The following EP300 variants were observed in gnomAD, a reference collection of about 807,000 sequenced individuals.
EP300 encodes the protein histone acetyltransferase p300.
In EP300, 31 loss-of-function variants were observed where a neutral mutation model predicts 264.0. That is an observed-to-expected ratio of 0.12 (90% CI 0.09 to 0.16). The LOEUF is 0.16. Among genes scored for constraint, EP300 ranks in the 10% least tolerant of loss-of-function variants. EP300 has a pLI of 1.00. For missense variants in EP300, 2,766 were observed against 3,052.9 expected (o/e 0.91, Z 2.21); for synonymous variants, 1,340 against 1,045.4 (o/e 1.28, Z -5.44).
chr22:41,127,304 T>C lies in EP300; in HGVS notation c.907-183T>C, dbSNP rs548763679. ...TATCACTTCGTAATGTCATTTTTTT[T>C]CTTATTAAATTGAGCTTCTTAAAGG... On this transcript the variant is annotated intron_variant, in intron 3 of 30. Transcript: ENST00000263253. 1.6e-4 allele frequency among the ~76,000 whole-genome samples: 25 copies of C among 152,300 alleles called. No individual in the cohort carries two copies. In the East Asian group the frequency reaches 2.7e-3, roughly 16 times the overall value.
At position 41,117,548 on chromosome 22, in the gene EP300, T is replaced by G. The variant is rs1242624089; in HGVS notation, c.456T>G (p.Gly152=). ...GPNQGPTQST[G]MMNSPVNQPA... ...ATCAGGGTCCTACGCAGTCAACAGGTATGATGAACAGTCCAGTAAATCAGC... is the reference window on the plus strand; with the variant it reads ...ATCAGGGTCCTACGCAGTCAACAGGGATGATGAACAGTCCAGTAAATCAGC... The change falls in exon 2 of 31, where the codon GGT becomes GGG. Residue 152 remains glycine (G), a synonymous_variant. Coordinates refer to ENST00000263253, the MANE Select transcript of EP300 (RefSeq NM_001429.4). 3 of 1,614,026 alleles carry G rather than the reference T, an allele frequency of 1.9e-6. No homozygotes were observed. The African/African-American group carries it at 4.0e-5, about 22-fold the overall frequency.
Position 41,152,944 on chromosome 22 carries a change from G to C in EP300, c.3142+594G>C, listed in dbSNP as rs148786595. On this transcript the variant is annotated intron_variant, in intron 16 of 30. Transcript: ENST00000263253. The stretch of plus-strand genomic sequence containing the variant: ...GTCTAATTTTTGTATTTTTAGTAGA[G>C]ACAGGATTTCACCGTGTTGGCCAGG... Among the ~76,000 whole-genome samples, 9 of 152,156 alleles carry C rather than the reference G, an allele frequency of 5.9e-5. No homozygotes were observed. The East Asian group carries it at 1.7e-3, about 29-fold the overall frequency.
chr22:41,097,877 G>T (rs934153611), intron 1 of EP300, among the ~76,000 whole-genome samples: 2 of 151,470 alleles, frequency 1.3e-5, no homozygotes, highest in Non-Finnish European at 2.9e-5. Flanking sequence ...TGTATTTTTA[G>T]TAGAGACGGG....
In EP300 at chr22:41,140,093, A is replaced by G. The variant is rs755619541; in HGVS notation, c.1761-47A>G. 6 of 1,365,740 alleles carry G rather than the reference A, an allele frequency of 4.4e-6. No homozygotes were observed. The African/African-American group carries it at 5.7e-5, about 13-fold the overall frequency. 84.6% of individuals were successfully genotyped at this position (1,365,740 alleles called of 1,614,324 possible). On this transcript the variant is annotated intron_variant, in intron 8 of 30. Coordinates refer to ENST00000263253, the MANE Select transcript of EP300 (RefSeq NM_001429.4). ...GTGTATAAAAATCAGAAAAATACTAATTAAATGCTGACATGATATTACAGT... is the reference window on the plus strand; with the variant it reads ...GTGTATAAAAATCAGAAAAATACTAGTTAAATGCTGACATGATATTACAGT...
rs1014165112 is a variant in EP300, at chr22:41,177,361, C to T, written c.5650C>T (p.Pro1884Ser). The T allele has an allele frequency of 8.7e-6, 14 of 1,614,058 alleles. No homozygotes were observed. Among genetic ancestry groups the T allele is most frequent in the Non-Finnish European group, 1.2e-5 (14 of 1,180,012 alleles). Residue 1884 changes from proline (P) to serine (S), a missense_variant, in exon 31 of 31, where the codon CCA becomes TCA. Transcript: ENST00000263253. ...TCAGCCTACCCCTCCCAATAGCATG[C>T]CACCCTACTTGCCCAGGACTCAAGC... ...QPQPTPPNSM[P>S]PYLPRTQAAG...
In EP300 at chr22:41,117,723, G is replaced by C. The variant is rs142030651; in HGVS notation, c.631G>C (p.Gly211Arg). Residue 211 changes from glycine to arginine, a missense_variant, in exon 2 of 31, where the codon GGC (glycine) becomes CGC (arginine). Coordinates refer to ENST00000263253, the MANE Select transcript of EP300 (RefSeq NM_001429.4). ...ACAGAATATGCAGTACCCAAACCCA[G>C]GCATGGGAAGTGCTGGCAACTTACT... ...GRQNMQYPNP[G>R]MGSAGNLLTE... 6.2e-7 allele frequency: 1 copy of C among 1,614,214 alleles called. No homozygotes were observed. The highest frequency in any genetic ancestry group is 8.5e-7 in the Non-Finnish European group (1 of 1,180,042).
At chr22:41,105,168 G>A (rs1036018057) in intron 1 of EP300, among the ~76,000 whole-genome samples, 1 of 113,202 alleles carries the variant, frequency 8.8e-6, no homozygotes, top group Non-Finnish European at 1.7e-5. Context: ...CTGCACTCCA[G>A]CCTAGGTGAC....
intron 2 of EP300, among the ~76,000 whole-genome samples, chr22:41,125,492 C>T (rs1386597441): frequency 6.6e-6 from 1 of 151,930 alleles, no homozygotes; most frequent in African/African-American, 2.4e-5. Flanking sequence ...TGTCAAACTC[C>T]TGACCTCAAG....
intron 1 of EP300, among the ~76,000 whole-genome samples, chr22:41,093,703 T>C (rs1176725340): frequency 2.0e-5 from 3 of 152,240 alleles, no homozygotes; most frequent in South Asian, 4.1e-4. Flanking sequence ...AGAATCAATA[T>C]GGAGCGCAGT....
At position 41,178,832 on chromosome 22, in the gene EP300, C is replaced by T. The variant is rs2145524137; in HGVS notation, c.7121C>T (p.Ser2374Phe). The T allele has an allele frequency of 6.8e-6, 11 of 1,614,220 alleles. No homozygotes were observed. The highest frequency in any genetic ancestry group is 7.6e-6 in the Non-Finnish European group (9 of 1,180,044). The change falls in exon 31 of 31, where the codon TCT (serine) becomes TTT (phenylalanine). Residue 2374 changes from serine (S) to phenylalanine (F), a missense_variant. Transcript: ENST00000263253. ...FASPDQNSML[S>F]QLASNPGMAN... ...AGCCCGGACCAGAATTCAATGCTTT[C>T]TCAGCTTGCTAGCAATCCAGGCATG...
At chr22:41,108,048 G>A (rs1447414845) in intron 1 of EP300, 4 of 152,022 alleles carry the variant, frequency 2.6e-5, no homozygotes, top group Non-Finnish European at 1.5e-5. Context: ...TCTGTTGCAA[G>A]GAGCAAACCA....
Position 41,179,533 on chromosome 22 carries a change from TA to T in EP300, c.*592del, listed in dbSNP as rs60283061. On this transcript the variant is annotated 3_prime_UTR_variant, in exon 31 of 31. Transcript: ENST00000263253. ...GATGTTCATTCTTTTAAAAAATGTTTAAAAAAAAAAAAAAACTGCCTTTCTT... is the reference window on the plus strand; with the variant it reads ...GATGTTCATTCTTTTAAAAAATGTTTAAAAAAAAAAAAAACTGCCTTTCTT... 0.024 allele frequency: 3,909 copies of T among 164,916 alleles called. 88 individuals are homozygous for T. The highest frequency in any genetic ancestry group is 0.069 in the African/African-American group (2,667 of 38,470). The allele number at this position is 164,916 out of a possible 1,614,324, so 10.2% of individuals were successfully genotyped here.
In EP300 at chr22:41,126,729, C is replaced by CTTTTTTTTTT. The variant is rs71328775; in HGVS notation, c.906+712_906+721dup. 2.2e-3 allele frequency among the ~76,000 whole-genome samples: 106 copies of CTTTTTTTTTT among 48,830 alleles called. 23 individuals are homozygous for CTTTTTTTTTT. Among genetic ancestry groups the CTTTTTTTTTT allele is most frequent in the South Asian group, 3.7e-3 (3 of 808 alleles). 32.0% of individuals were successfully genotyped at this position (48,830 alleles called of 152,430 possible). A position where few individuals can be genotyped will look rare whatever the true frequency, so the allele number is the denominator to read the frequency against. ...TCATCTCTGTCCCGAGAAATGTTCA[C>CTTTTTTTTTT]TTTTTTTTTTTTTTTTTTTTTTTTT... On this transcript the variant is annotated intron_variant, in intron 3 of 30. Coordinates refer to ENST00000263253, the MANE Select transcript of EP300 (RefSeq NM_001429.4).
intron 1 of EP300, among the ~76,000 whole-genome samples, chr22:41,094,220 C>G (rs151141740): frequency 1.3e-5 from 2 of 152,116 alleles, no homozygotes; most frequent in Admixed American, 1.3e-4. Flanking sequence ...AAGATGTTCC[C>G]CTTTACTACG....
In EP300 at chr22:41,157,309, A is replaced by G. The variant is rs2059082812; in HGVS notation, c.3402A>G (p.Lys1134=). 3 of 1,614,144 alleles carry G rather than the reference A, an allele frequency of 1.9e-6. No homozygotes were observed. The highest frequency in any genetic ancestry group is 1.6e-4 in the Middle Eastern group (1 of 6,062). ...ATAATGCCTGGTTATATAACCGGAA[A>G]ACATCACGGGTATACAAATACTGCT... ...MFNNAWLYNR[K]TSRVYKYCSK... The change falls in exon 18 of 31, where the codon AAA becomes AAG. Residue 1134 remains lysine, a synonymous_variant. Coordinates refer to ENST00000263253, the MANE Select transcript of EP300 (RefSeq NM_001429.4).
At chr22:41,096,215 A>G (rs1192424524) in intron 1 of EP300, among the ~76,000 whole-genome samples, 3 of 152,196 alleles carry the variant, frequency 2.0e-5, no homozygotes, top group African/African-American at 7.2e-5. Flanking sequence ...AAAAATGACC[A>G]AAAGACTGGA....
intron 17 of EP300, 75 bp downstream of exon 17, chr22:41,155,188 A>C (rs1173856258): frequency 9.0e-7 from 1 of 1,107,548 alleles, no homozygotes; most frequent in African/African-American, 1.5e-5. Flanking sequence ...TTCACATTCC[A>C]AACAGTATAG....
chr22:41,118,017 C>T (rs573972604), intron 2 of EP300, among the ~76,000 whole-genome samples, 196 bp downstream of exon 2: 1 of 152,300 alleles, frequency 6.6e-6, no homozygotes, highest in East Asian at 1.9e-4. Flanking sequence ...TAACTTCATA[C>T]TTCCAAATGA....
chr22:41,127,290 A>G (rs1030886701), intron 3 of EP300, among the ~76,000 whole-genome samples, 197 bp from the exon 4 acceptor site: 16 of 151,942 alleles, frequency 1.1e-4, no homozygotes, highest in African/African-American at 3.9e-4. Context: ...ATCACTTCGT[A>G]ATGTCATTTT....
Sources: gnomAD v4.1 joint callset for allele counts (sites outside exome capture counted in the v4.1 genomes callset) on GRCh38, gnomAD v4.1.1 for gene constraint, MANE v1.5 for transcripts, NCBI Gene and HGNC (gene_info 2026-07-23, HGNC 2026-07-21) for gene names.